Variants in TLE4 observed in about 807,000 individuals in gnomAD.
TLE4 encodes transducin-like enhancer protein 4.
In TLE4, 8 loss-of-function variants were observed where a neutral mutation model predicts 92.8. The observed-to-expected ratio is 0.09, with a 90% CI of 0.05 to 0.16. The LOEUF (loss-of-function observed/expected upper bound fraction) is 0.16, where lower values mean the gene tolerates loss of function less well. Among genes scored for constraint, TLE4 ranks in the 10% least tolerant of loss-of-function variants. TLE4 has a pLI of 1.00. For missense variants in TLE4, 675 were observed against 997.6 expected (o/e 0.68, Z 4.36); for synonymous variants, 371 against 374.1 (o/e 0.99, Z 0.10).
chr9:79,699,352 A>T (rs1455099462), intron 8 of TLE4, among the ~76,000 whole-genome samples: 1 of 152,184 alleles, frequency 6.6e-6, no homozygotes, highest in Non-Finnish European at 1.5e-5. Context: ...ACTCAACTTG[A>T]ATCGTCCCTG....
chr9:79,624,731 G>A (rs951807804), intron 5 of TLE4, among the ~76,000 whole-genome samples: 2 of 152,198 alleles, frequency 1.3e-5, no homozygotes, highest in Non-Finnish European at 2.9e-5. Flanking sequence ...GCCCATTTTA[G>A]CAATTGGAAT....
intron 1 of TLE4, chr9:79,573,369 G>T (rs754011638): frequency 2.4e-5 from 27 of 1,143,832 alleles, no homozygotes; most frequent in Non-Finnish European, 9.8e-6. Flanking sequence ...TTTCGATTCC[G>T]GGTGAGGAGG....
intron 8 of TLE4, among the ~76,000 whole-genome samples, chr9:79,678,876 G>T (rs898491912): frequency 1.3e-5 from 2 of 151,782 alleles, no homozygotes; most frequent in African/African-American, 2.4e-5. Flanking sequence ...GCGGTGTTTG[G>T]TTTTTTCTCC....
rs761395009 is a variant in TLE4 at position 79,720,081 on chromosome 9, C to T, written c.1626C>T (p.Leu542=). ...RDNYIRSCRL[L]PDGRTLIVGG... ...ACTACATCCGTTCCTGCAGATTGCT[C>T]CCTGATGGTCGCACCCTAATTGTTG... The change falls in exon 16 of 20, where the codon CTC becomes CTT. Residue 542 remains leucine (L), a synonymous_variant. Coordinates refer to ENST00000376552, the MANE Select transcript of TLE4 (RefSeq NM_007005.6). 10 of 1,613,676 alleles carry T rather than the reference C, an allele frequency of 6.2e-6. No homozygotes were observed. Among genetic ancestry groups the T allele is most frequent in the Non-Finnish European group, 8.5e-6 (10 of 1,179,718 alleles).
chr9:79,710,428 C>T (rs989229941), intron 14 of TLE4, among the ~76,000 whole-genome samples: 1 of 152,186 alleles, frequency 6.6e-6, no homozygotes, highest in African/African-American at 2.4e-5. Context: ...CCCGCAGATC[C>T]TCCTTGCCTT....
At chr9:79,611,645 C>G (rs1233677004) in intron 4 of TLE4, among the ~76,000 whole-genome samples, 1 of 151,914 alleles carries the variant, frequency 6.6e-6, no homozygotes, top group Non-Finnish European at 1.5e-5. Context: ...TTCAATTCTT[C>G]TTAGCTCTCT....
At chr9:79,607,436 A>T (rs1269979417) in intron 4 of TLE4, among the ~76,000 whole-genome samples, 1 of 152,086 alleles carries the variant, frequency 6.6e-6, no homozygotes, top group Non-Finnish European at 1.5e-5. Context: ...TTTAGTCATG[A>T]AGTCTTTGCC....
intron 4 of TLE4, chr9:79,576,731 A>G (rs1049105133): frequency 1.3e-5 from 2 of 152,002 alleles, no homozygotes; most frequent in Non-Finnish European, 2.9e-5. Flanking sequence ...AAATTTGTAC[A>G]GAGTAAATGA....
At chr9:79,590,634 T>A (rs916691891) in intron 4 of TLE4, among the ~76,000 whole-genome samples, 6 of 152,220 alleles carry the variant, frequency 3.9e-5, no homozygotes, top group Non-Finnish European at 5.9e-5. Context: ...AGGGTTTTTT[T>A]ATAATCTAAG....
intron 4 of TLE4, among the ~76,000 whole-genome samples, chr9:79,576,956 C>T (rs984863001): frequency 2.7e-5 from 4 of 150,352 alleles, no homozygotes; most frequent in South Asian, 2.1e-4. Flanking sequence ...TATATATATA[C>T]ACACACACAA....
chr9:79,710,207 C>A (rs944375252), intron 14 of TLE4, among the ~76,000 whole-genome samples: 1 of 152,246 alleles, frequency 6.6e-6, no homozygotes, highest in African/African-American at 2.4e-5. Flanking sequence ...CAAAACACAA[C>A]ACACCAGTTG....
chr9:79,696,549 A>G (rs1279901566), intron 8 of TLE4, among the ~76,000 whole-genome samples: 3 of 152,184 alleles, frequency 2.0e-5, no homozygotes, highest in Non-Finnish European at 2.9e-5. Flanking sequence ...TGTATAGAGT[A>G]TATTTGCATA....
chr9:79,721,603 A>T, intron 16 of TLE4, 138 bp from the exon 17 acceptor site: 1 of 1,325,536 alleles, frequency 7.5e-7, no homozygotes, highest in Non-Finnish European at 1.0e-6. Context: ...ATTACTTTGA[A>T]TAATTAGAAA....
At chr9:79,611,787 CTG>C (rs781127825) in intron 4 of TLE4, among the ~76,000 whole-genome samples, 5 of 151,826 alleles carry the variant, frequency 3.3e-5, no homozygotes, top group Admixed American at 6.6e-5. Context: ...ATTGGTAAAA[CTG>C]TGAGTAACTT....
At chr9:79,628,776 C>T (rs1027048844) in intron 6 of TLE4, among the ~76,000 whole-genome samples, 9 of 151,730 alleles carry the variant, frequency 5.9e-5, no homozygotes, top group African/African-American at 1.9e-4. Flanking sequence ...ATAGTAGAGA[C>T]GAATACATTT....
At chr9:79,601,488 C>A in intron 4 of TLE4, 1 of 454,770 alleles carries the variant, frequency 2.2e-6, no homozygotes, top group South Asian at 1.6e-5. Flanking sequence ...GTGCTCACTT[C>A]GTGTCTCTGT....
chr9:79,623,752 A>G (rs1031622025), intron 5 of TLE4, among the ~76,000 whole-genome samples: 40 of 144,454 alleles, frequency 2.8e-4, no homozygotes, highest in Admixed American at 2.5e-3. Flanking sequence ...ACAGCATTTT[A>G]AAGAATAAAT....
chr9:79,579,494 T>C (rs2039006622), intron 4 of TLE4, among the ~76,000 whole-genome samples: 1 of 152,212 alleles, frequency 6.6e-6, no homozygotes, highest in South Asian at 2.1e-4. Context: ...AAGGGGAGCA[T>C]GAGAACATCT....
At chr9:79,640,188 A>G (rs1040775045) in intron 6 of TLE4, among the ~76,000 whole-genome samples, 2 of 152,146 alleles carry the variant, frequency 1.3e-5, no homozygotes, top group Admixed American at 6.5e-5. Flanking sequence ...AGGAATGGCC[A>G]TATGAATACA....
Sources: allele counts gnomAD v4.1 joint callset (sites outside exome capture counted in the v4.1 genomes callset), GRCh38; gene constraint gnomAD v4.1.1; transcripts MANE v1.5; gene names NCBI Gene and HGNC (gene_info 2026-07-23, HGNC 2026-07-21).